Variants in CAPRIN2 observed in about 807,000 individuals in gnomAD.
CAPRIN2 encodes the protein caprin-2.
Under a neutral mutation model 130.4 loss-of-function variants are expected in CAPRIN2, and 66 were observed. That is an observed-to-expected ratio of 0.51 (90% CI 0.42 to 0.62). The LOEUF is 0.62. CAPRIN2 is among the 20% of genes least tolerant of loss of function. The probability of loss-of-function intolerance (pLI) is 0.00; values close to 1 mark genes in which losing one functional copy is unlikely to be tolerated. For missense variants in CAPRIN2, 1,185 were observed against 1,246.6 expected (o/e 0.95, Z 0.74); for synonymous variants, 471 against 444.1 (o/e 1.06, Z -0.76).
chr12:30,742,849 G>T (rs779001721), intron 2 of CAPRIN2, among the ~76,000 whole-genome samples: 51 of 152,078 alleles, frequency 3.4e-4, no homozygotes, highest in Non-Finnish European at 6.8e-4. Flanking sequence ...TAACTTATAT[G>T]GAATATATTG....
chr12:30,715,428 T>C (rs950936343), intron 13 of CAPRIN2: 1 of 506,390 alleles, frequency 2.0e-6, no homozygotes, highest in South Asian at 1.5e-5. Context: ...AAAGCACAAA[T>C]ATTGTATACC....
intron 2 of CAPRIN2, among the ~76,000 whole-genome samples, chr12:30,745,504 G>A (rs2069640892): frequency 6.6e-6 from 1 of 152,118 alleles, no homozygotes; most frequent in Non-Finnish European, 1.5e-5. Context: ...GAGGCTGCAA[G>A]AGCCATATAG....
intron 3 of CAPRIN2, among the ~76,000 whole-genome samples, chr12:30,740,689 A>C (rs2067061959): frequency 6.6e-6 from 1 of 152,206 alleles, no homozygotes; most frequent in African/African-American, 2.4e-5. Flanking sequence ...CTATATTCTA[A>C]AATATCTTTA....
chr12:30,729,589 G>A (rs1002128248), intron 7 of CAPRIN2, among the ~76,000 whole-genome samples: 4 of 152,180 alleles, frequency 2.6e-5, no homozygotes, highest in African/African-American at 9.7e-5. Flanking sequence ...CCTAAGACTG[G>A]CAAGAATTGC....
intron 2 of CAPRIN2, among the ~76,000 whole-genome samples, chr12:30,744,496 C>G (rs140420370): frequency 5.0e-4 from 76 of 152,234 alleles, no homozygotes; most frequent in African/African-American, 1.8e-3. Context: ...AAAATCTGTT[C>G]CTTCTCAGAG....
At chr12:30,716,619 G>A (rs2057657451) in exon 13 of CAPRIN2, 1 of 1,613,814 alleles carries the variant, frequency 6.2e-7, no homozygotes, top group Non-Finnish European at 8.5e-7. Flanking sequence ...GGTGAATAAG[G>A]GGATTCTTTT....
chr12:30,748,418 G>A (rs1050457704), intron 2 of CAPRIN2, among the ~76,000 whole-genome samples: 2 of 152,200 alleles, frequency 1.3e-5, no homozygotes, highest in African/African-American at 4.8e-5. Context: ...AGGCTCAGAT[G>A]ACTATTAGCA....
chr12:30,742,413 T>C (rs1342735550), intron 2 of CAPRIN2, among the ~76,000 whole-genome samples: 1 of 151,970 alleles, frequency 6.6e-6, no homozygotes, highest in African/African-American at 2.4e-5. Context: ...AGCCTAATGA[T>C]AGATATGTAC....
chr12:30,713,548 A>G (rs1282192958), intron 15 of CAPRIN2, among the ~76,000 whole-genome samples: 1 of 152,238 alleles, frequency 6.6e-6, no homozygotes, highest in Non-Finnish European at 1.5e-5. Flanking sequence ...TGCAAACAAC[A>G]TGATTAATAA....
intron 3 of CAPRIN2, among the ~76,000 whole-genome samples, chr12:30,738,870 T>A (rs2066045231): frequency 6.6e-6 from 1 of 152,140 alleles, no homozygotes; most frequent in Non-Finnish European, 1.5e-5. Flanking sequence ...CTCATACCAG[T>A]CAGAATGGTT....
At chr12:30,754,858 TCTC>T, upstream of CAPRIN2, 2 of 151,852 alleles carry the variant, frequency 1.3e-5, no homozygotes, top group South Asian at 2.0e-4. Flanking sequence ...CGCACTCGCG[TCTC>T]CTCCTCCTGT....
chr12:30,712,359 T>C (rs1288848117), intron 15 of CAPRIN2, among the ~76,000 whole-genome samples: 2 of 152,214 alleles, frequency 1.3e-5, no homozygotes, highest in Non-Finnish European at 2.9e-5. Flanking sequence ...ATCAGTTTCT[T>C]GTTCCTCAGG....
At chr12:30,753,245 A>T in intron 1 of CAPRIN2, 99 bp downstream of exon 2, 2 of 987,018 alleles carry the variant, frequency 2.0e-6, no homozygotes, top group Non-Finnish European at 3.0e-6. Flanking sequence ...AAGGTTAGTT[A>T]AATTTTTAGT....
chr12:30,730,872 C>T (rs138968246), intron 6 of CAPRIN2, among the ~76,000 whole-genome samples: 1 of 152,162 alleles, frequency 6.6e-6, no homozygotes, highest in Non-Finnish European at 1.5e-5. Flanking sequence ...GTGCCACTTG[C>T]TCAAAGTATT....
intron 2 of CAPRIN2, among the ~76,000 whole-genome samples, chr12:30,744,222 A>C (rs2068809718): frequency 6.6e-6 from 1 of 152,034 alleles, no homozygotes; most frequent in Non-Finnish European, 1.5e-5. Context: ...GGGCTCCCAT[A>C]ATCATTCACC....
chr12:30,716,804 C>T (rs2057725756), intron 12 of CAPRIN2, 128 bp from the exon 15 acceptor site: 1 of 713,258 alleles, frequency 1.4e-6, no homozygotes, highest in East Asian at 2.6e-5. Context: ...AGACATCTCT[C>T]CAAAGAAGAT....
Position 30,715,147 on chromosome 12 carries a change from T to A in CAPRIN2, c.2318-6A>T. Reference sequence around the variant, plus strand: ...TCCATCAGGATGATAATTTGCTGCTTAAGAAAAACGATTTTAGGGTCCAAG... The same window carrying A: ...TCCATCAGGATGATAATTTGCTGCTAAAGAAAAACGATTTTAGGGTCCAAG... On this transcript the variant is annotated splice_polypyrimidine_tract_variant and splice_region_variant and intron_variant, in intron 13 of 16. Coordinates refer to ENST00000298892, the Ensembl canonical transcript of CAPRIN2. 6.2e-7 allele frequency: 1 copy of A among 1,613,094 alleles called. No homozygotes were observed. Among genetic ancestry groups the A allele is most frequent in the Non-Finnish European group, 8.5e-7 (1 of 1,179,274 alleles).
intron 2 of CAPRIN2, among the ~76,000 whole-genome samples, chr12:30,747,629 A>G (rs1274240345): frequency 6.6e-6 from 1 of 151,866 alleles, no homozygotes; most frequent in African/African-American, 2.4e-5. Context: ...GTGAGCCGAG[A>G]TCGTGCCATT....
At chr12:30,745,159 A>G (rs1191223290) in intron 2 of CAPRIN2, among the ~76,000 whole-genome samples, 1 of 152,234 alleles carries the variant, frequency 6.6e-6, no homozygotes, top group Non-Finnish European at 1.5e-5. Context: ...ACAGTTCAGC[A>G]GCAAAAACAG....
Sources: gnomAD v4.1 joint callset for allele counts (sites outside exome capture counted in the v4.1 genomes callset) on GRCh38, gnomAD v4.1.1 for gene constraint, MANE v1.5 for transcripts, NCBI Gene and HGNC (gene_info 2026-07-23, HGNC 2026-07-21) for gene names.